The following CSNK2A2IP variants were observed in gnomAD, a reference collection of about 807,000 sequenced individuals.
CSNK2A2IP encodes casein kinase 2 subunit alpha' interacting protein, also known as casein kinase II subunit alpha'-interacting protein.
At chr3:88,342,694 G>A in the CSNK2A2IP span, among the ~76,000 whole-genome samples, 5 of 145,564 alleles carry the variant, frequency 3.4e-5, no homozygotes, top group East Asian at 1.0e-3. Flanking sequence ...AAAAATAAAA[G>A]GATCTGAGCA....
At chr3:88,377,972 A>G in the CSNK2A2IP span, among the ~76,000 whole-genome samples, 6 of 151,884 alleles carry the variant, frequency 4.0e-5, no homozygotes, top group African/African-American at 1.2e-4. Context: ...ATGAGATATG[A>G]TTTTTCATTT....
chr3:88,466,186 AG>A, the CSNK2A2IP span: 3 of 1,231,678 alleles, frequency 2.4e-6, no homozygotes, highest in Non-Finnish European at 3.0e-6. Context: ...ACTTGACTCT[AG>A]GCTTCAGAAA....
At chr3:88,435,123 AAT>A in the CSNK2A2IP span, among the ~76,000 whole-genome samples, 1 of 152,152 alleles carries the variant, frequency 6.6e-6, no homozygotes, top group Admixed American at 6.6e-5. Flanking sequence ...TTTGCCTGCA[AAT>A]ACCATTCCAT....
the CSNK2A2IP span, among the ~76,000 whole-genome samples, chr3:88,445,681 C>G: frequency 6.6e-6 from 1 of 152,010 alleles, no homozygotes. Context: ...GTCCCAGCAT[C>G]CTGAGTAACT....
At chr3:88,363,461 T>A in the CSNK2A2IP span, among the ~76,000 whole-genome samples, 3 of 152,230 alleles carry the variant, frequency 2.0e-5, no homozygotes, top group Non-Finnish European at 4.4e-5. Context: ...TATAACCATT[T>A]TATTACTTTC....
chr3:88,340,985 A>G, the CSNK2A2IP span, among the ~76,000 whole-genome samples: 66,448 of 151,722 alleles, frequency 0.44, 15,798 homozygotes, highest in South Asian at 0.62. Context: ...AAATTTTGTT[A>G]GTCTTTTGTA....
the CSNK2A2IP span, among the ~76,000 whole-genome samples, chr3:88,344,778 A>T: frequency 1.3e-5 from 2 of 151,966 alleles, no homozygotes; most frequent in African/African-American, 4.8e-5. Flanking sequence ...TAAATTATAC[A>T]GTAAGTCTTA....
the CSNK2A2IP span, among the ~76,000 whole-genome samples, chr3:88,461,619 T>A: frequency 6.6e-6 from 1 of 152,184 alleles, no homozygotes; most frequent in East Asian, 1.9e-4. Flanking sequence ...AGGAGTTGTA[T>A]CAACTTAACA....
the CSNK2A2IP span, among the ~76,000 whole-genome samples, chr3:88,368,213 G>T: frequency 6.6e-6 from 1 of 151,994 alleles, no homozygotes; most frequent in Non-Finnish European, 1.5e-5. Context: ...CCTACTAGTT[G>T]CCAGGTCCTC....
At chr3:88,378,936 A>T in the CSNK2A2IP span, among the ~76,000 whole-genome samples, 1 of 152,122 alleles carries the variant, frequency 6.6e-6, no homozygotes, top group East Asian at 1.9e-4. Flanking sequence ...TTTCAAGATA[A>T]TAACAAACAT....
chr3:88,458,149 T>G, the CSNK2A2IP span, among the ~76,000 whole-genome samples: 26 of 133,804 alleles, frequency 1.9e-4, 1 homozygote, highest in East Asian at 4.2e-4. Flanking sequence ...TGGTTTTTTT[T>G]TTTTTTTTTT....
At chr3:88,356,815 C>T in the CSNK2A2IP span, among the ~76,000 whole-genome samples, 1 of 151,990 alleles carries the variant, frequency 6.6e-6, no homozygotes, top group South Asian at 2.1e-4. Context: ...CATAATATTT[C>T]ATTGTGTTTT....
the CSNK2A2IP span, among the ~76,000 whole-genome samples, chr3:88,425,981 A>G: frequency 2.0e-5 from 3 of 152,204 alleles, no homozygotes; most frequent in Non-Finnish European, 2.9e-5. Flanking sequence ...TACATACATA[A>G]TTTGTGGCAA....
At chr3:88,416,972 C>T in the CSNK2A2IP span, among the ~76,000 whole-genome samples, 1 of 151,574 alleles carries the variant, frequency 6.6e-6, no homozygotes, top group Non-Finnish European at 1.5e-5. Flanking sequence ...GAATTATCCC[C>T]AATTCACTGC....
chr3:88,350,457 T>C, the CSNK2A2IP span, among the ~76,000 whole-genome samples: 795 of 152,162 alleles, frequency 5.2e-3, 9 homozygotes, highest in African/African-American at 0.018. Flanking sequence ...GCTAGGACTG[T>C]GTTCTTGTTT....
the CSNK2A2IP span, chr3:88,466,305 A>G: frequency 8.1e-7 from 1 of 1,231,698 alleles, no homozygotes; most frequent in Non-Finnish European, 1.0e-6. Flanking sequence ...AGAATTTACC[A>G]TTGTTTCAGC....
At chr3:88,397,472 A>G in the CSNK2A2IP span, among the ~76,000 whole-genome samples, 3 of 152,180 alleles carry the variant, frequency 2.0e-5, no homozygotes, top group Non-Finnish European at 2.9e-5. Context: ...ATAATTTGTC[A>G]CAATGCTGAT....
the CSNK2A2IP span, among the ~76,000 whole-genome samples, chr3:88,342,582 C>T: frequency 1.3e-5 from 2 of 151,720 alleles, no homozygotes; most frequent in South Asian, 2.1e-4. Context: ...CAATTAAACT[C>T]CTTTAAATGT....
chr3:88,432,204 C>A, the CSNK2A2IP span, among the ~76,000 whole-genome samples: 5 of 151,798 alleles, frequency 3.3e-5, no homozygotes, highest in South Asian at 1.0e-3. Flanking sequence ...GTAACACCTA[C>A]CAGTTAATAT....
Sources: gnomAD v4.1 joint callset for allele counts (sites outside exome capture counted in the v4.1 genomes callset) on GRCh38, gnomAD v4.1.1 for gene constraint, MANE v1.5 for transcripts, NCBI Gene and HGNC (gene_info 2026-07-23, HGNC 2026-07-21) for gene names.